The following GALNTL6 variants were observed in gnomAD, a reference collection of about 807,000 sequenced individuals.
The protein encoded by GALNTL6 is polypeptide N-acetylgalactosaminyltransferase like 6.
A neutral mutation model predicts 73.7 loss-of-function variants in GALNTL6; 46 were observed. That is an observed-to-expected ratio of 0.62 (90% CI 0.49 to 0.80). The LOEUF is 0.80. Among genes scored for constraint, GALNTL6 ranks in the 30% least tolerant of loss-of-function variants. GALNTL6 has a pLI of 0.00. For synonymous variants in GALNTL6, 259 were observed against 263.7 expected, an observed-to-expected ratio of 0.98 and a Z score of 0.17; for missense variants, 604 against 755.0, an observed-to-expected ratio of 0.80 and a Z score of 2.34.
intron 3 of GALNTL6, among the ~76,000 whole-genome samples, chr4:172,277,092 G>C (rs189741909): frequency 1.3e-5 from 2 of 151,876 alleles, no homozygotes; most frequent in Admixed American, 1.3e-4. Context: ...CTTAAATGTT[G>C]ATACTACTTA....
At chr4:172,115,306 A>C (rs1396517768) in intron 2 of GALNTL6, among the ~76,000 whole-genome samples, 2 of 152,164 alleles carry the variant, frequency 1.3e-5, no homozygotes, top group Non-Finnish European at 2.9e-5. Flanking sequence ...AAACATTCTG[A>C]AGGAACCTTT....
intron 7 of GALNTL6, among the ~76,000 whole-genome samples, chr4:172,835,180 T>C (rs1191780364): frequency 1.3e-5 from 2 of 152,230 alleles, no homozygotes; most frequent in East Asian, 3.8e-4. Flanking sequence ...CCTTCCATTA[T>C]GCAGTGAAAG....
chr4:171,825,413 G>T (rs1030112559), intron 2 of GALNTL6, among the ~76,000 whole-genome samples: 5 of 152,094 alleles, frequency 3.3e-5, no homozygotes, highest in African/African-American at 1.2e-4. Flanking sequence ...CCCTAGCCGA[G>T]TGAATTTTAC....
intron 8 of GALNTL6, among the ~76,000 whole-genome samples, chr4:172,909,279 GA>G (rs34787399): frequency 6.2e-5 from 9 of 144,150 alleles, no homozygotes; most frequent in African/African-American, 1.0e-4. Flanking sequence ...ACAAGAATTA[GA>G]ATAGAGATAG....
At chr4:172,041,716 T>G (rs960568790) in intron 2 of GALNTL6, among the ~76,000 whole-genome samples, 15 of 152,094 alleles carry the variant, frequency 9.9e-5, no homozygotes, top group African/African-American at 3.4e-4. Flanking sequence ...TATAACTTGA[T>G]AGTAGCAAGG....
At chr4:172,782,754 T>G (rs933633038) in intron 5 of GALNTL6, among the ~76,000 whole-genome samples, 2 of 152,046 alleles carry the variant, frequency 1.3e-5, no homozygotes, top group Non-Finnish European at 2.9e-5. Context: ...ATTCATTAAA[T>G]TGTCACCAGA....
chr4:172,914,555 T>G (rs1747396547), intron 8 of GALNTL6, among the ~76,000 whole-genome samples: 1 of 152,046 alleles, frequency 6.6e-6, no homozygotes, highest in Non-Finnish European at 1.5e-5. Flanking sequence ...TGGAGGAAGA[T>G]CTACCAAGCA....
At chr4:172,805,880 T>C (rs1740926994) in intron 5 of GALNTL6, among the ~76,000 whole-genome samples, 1 of 152,012 alleles carries the variant, frequency 6.6e-6, no homozygotes, top group Non-Finnish European at 1.5e-5. Flanking sequence ...CAACTGACCA[T>C]GGGTTAATGG....
chr4:171,849,722 T>C (rs1230581229), intron 2 of GALNTL6, among the ~76,000 whole-genome samples: 1 of 152,206 alleles, frequency 6.6e-6, no homozygotes, highest in Non-Finnish European at 1.5e-5. Flanking sequence ...AAAGATACTT[T>C]TATTTTTTCT....
At chr4:172,653,548 T>C (rs959860954) in intron 5 of GALNTL6, among the ~76,000 whole-genome samples, 1 of 152,124 alleles carries the variant, frequency 6.6e-6, no homozygotes, top group African/African-American at 2.4e-5. Flanking sequence ...CCTTACTTCT[T>C]TTTCCTCTCT....
chr4:172,533,316 A>ATTTTTTTTTTTTTTTTTTT (rs34973148), intron 5 of GALNTL6, among the ~76,000 whole-genome samples: 1 of 77,394 alleles, frequency 1.3e-5, no homozygotes. Context: ...CCCGGCCAGA[A>ATTTTTTTTTTTTTTTTTTT]TTTTTTTTTT....
rs563826403 is a variant in GALNTL6, at chr4:172,689,659, C to A, written c.554-119702C>A. Among the ~76,000 whole-genome samples the A allele has an allele frequency of 8.9e-4, 135 of 152,220 alleles. 1 individual carries two copies. The highest frequency in any genetic ancestry group is 1.4e-3 in the Non-Finnish European group (96 of 68,026). ...TAATGCTTTTTCTGTGGGGTATGTG[C>A]CCAGTGGTAACAGCCACTCACTCAA... On this transcript the variant is annotated intron_variant, in intron 5 of 12. Coordinates refer to ENST00000506823, the MANE Select transcript of GALNTL6 (RefSeq NM_001034845.3).
At chr4:172,423,069 A>G (rs1037200861) in intron 5 of GALNTL6, among the ~76,000 whole-genome samples, 2 of 151,892 alleles carry the variant, frequency 1.3e-5, no homozygotes, top group Admixed American at 1.3e-4. Flanking sequence ...GGTAGACACC[A>G]GGAAATCAGT....
At chr4:172,118,762 A>G (rs1214391042) in intron 2 of GALNTL6, among the ~76,000 whole-genome samples, 4 of 151,716 alleles carry the variant, frequency 2.6e-5, no homozygotes, top group Non-Finnish European at 5.9e-5. Flanking sequence ...GGAATAAAAG[A>G]AAAAAAAGAA....
At chr4:172,318,501 G>C (rs549187639) in intron 4 of GALNTL6, among the ~76,000 whole-genome samples, 10 of 152,222 alleles carry the variant, frequency 6.6e-5, no homozygotes, top group African/African-American at 2.4e-4. Flanking sequence ...AGGGGTTCGA[G>C]ACCAGCCTGG....
intron 5 of GALNTL6, among the ~76,000 whole-genome samples, chr4:172,788,401 G>T (rs772059990): frequency 6.6e-6 from 1 of 152,002 alleles, no homozygotes; most frequent in Admixed American, 6.6e-5. Flanking sequence ...GGCCGGGCGC[G>T]GTGGCTCACA....
intron 3 of GALNTL6, among the ~76,000 whole-genome samples, chr4:172,248,841 C>T (rs1737751297): frequency 6.6e-6 from 1 of 152,134 alleles, no homozygotes; most frequent in African/African-American, 2.4e-5. Flanking sequence ...GTTTGCTTGC[C>T]TTCCAAAATG....
At position 171,867,513 on chromosome 4, in the gene GALNTL6, A is replaced by G. The variant is rs1736001370; in HGVS notation, c.138+52795A>G. On this transcript the variant is annotated intron_variant, in intron 2 of 12. Coordinates refer to ENST00000506823, the MANE Select transcript of GALNTL6 (RefSeq NM_001034845.3). The stretch of plus-strand genomic sequence containing the variant: ...TTCCATTCTGCTTACAAAGTAACTC[A>G]AATTTACCACTTGTTTCCATCCCCG... 1.3e-5 allele frequency among the ~76,000 whole-genome samples: 2 copies of G among 152,198 alleles called. 1 individual carries two copies. Among genetic ancestry groups the G allele is most frequent in the South Asian group, 4.1e-4 (2 of 4,826 alleles).
At chr4:172,248,124 A>T (rs1737723171) in intron 3 of GALNTL6, among the ~76,000 whole-genome samples, 2 of 152,242 alleles carry the variant, frequency 1.3e-5, no homozygotes, top group African/African-American at 4.8e-5. Flanking sequence ...TTTTTTAAAC[A>T]GTAACAATGT....
Sources: gnomAD v4.1 joint callset for allele counts (sites outside exome capture counted in the v4.1 genomes callset) on GRCh38, gnomAD v4.1.1 for gene constraint, MANE v1.5 for transcripts, NCBI Gene and HGNC (gene_info 2026-07-23, HGNC 2026-07-21) for gene names.